Variants in RAPGEF1 observed in about 807,000 individuals in gnomAD.
RAPGEF1 encodes the protein CRK SH3-binding GNRP.
A neutral mutation model predicts 143.3 loss-of-function variants in RAPGEF1; 33 were observed. The ratio of observed to expected loss-of-function variants is 0.23; its 90% confidence interval spans 0.17 to 0.31. RAPGEF1 has a LOEUF of 0.31. Among genes scored for constraint, RAPGEF1 ranks in the 10% least tolerant of loss-of-function variants. The pLI is 1.00. For missense variants in RAPGEF1, 1,199 were observed against 1,645.4 expected, an observed-to-expected ratio of 0.73 and a Z score of 4.69; for synonymous variants, 629 against 676.5, an observed-to-expected ratio of 0.93 and a Z score of 1.09.
At chr9:131,717,764 CAA>C (rs35660614) in intron 1 of RAPGEF1, among the ~76,000 whole-genome samples, 7 of 104,452 alleles carry the variant, frequency 6.7e-5, no homozygotes, top group Non-Finnish European at 1.3e-4. Flanking sequence ...GAGACTGTCT[CAA>C]AAAAAAAAAA....
chr9:131,588,337 G>A (rs1588216036), intron 20 of RAPGEF1, among the ~76,000 whole-genome samples: 1 of 152,218 alleles, frequency 6.6e-6, no homozygotes, highest in Non-Finnish European at 1.5e-5. Context: ...GCTCACGGCT[G>A]GAGCCCACTT....
intron 1 of RAPGEF1, among the ~76,000 whole-genome samples, chr9:131,707,390 T>A (rs1835152817): frequency 6.6e-6 from 1 of 152,238 alleles, no homozygotes; most frequent in African/African-American, 2.4e-5. Flanking sequence ...TTTGCTTATC[T>A]TAGGTCCCCA....
chr9:131,701,867 A>G (rs1188034368), intron 1 of RAPGEF1, among the ~76,000 whole-genome samples: 4 of 152,222 alleles, frequency 2.6e-5, no homozygotes, highest in Non-Finnish European at 4.4e-5. Flanking sequence ...CTTCTCTTCT[A>G]GCTCAAGATG....
At position 131,674,970 on chromosome 9, in the gene RAPGEF1, GT is replaced by G. The variant is rs1487465343; in HGVS notation, c.62-24022del. The stretch of plus-strand genomic sequence containing the variant: ...AGGTGAATGCTTAAACCTTGGTCCG[GT>G]TCCCCAGAAGCAGACTCCTGGGATG... On this transcript the variant is annotated intron_variant, in intron 1 of 26. Coordinates refer to ENST00000683357, the MANE Select transcript of RAPGEF1 (RefSeq NM_001377935.1). 2.6e-5 allele frequency among the ~76,000 whole-genome samples: 4 copies of G among 152,234 alleles called. No homozygotes were observed. In the East Asian group the frequency reaches 7.7e-4, roughly 29 times the overall value.
At chr9:131,736,572 A>G (rs1190257812) in intron 1 of RAPGEF1, among the ~76,000 whole-genome samples, 1 of 152,244 alleles carries the variant, frequency 6.6e-6, no homozygotes, top group Non-Finnish European at 1.5e-5. Flanking sequence ...AAGAACAGCA[A>G]TGACTCAAAA....
At chr9:131,727,756 T>G (rs1035399163) in intron 1 of RAPGEF1, among the ~76,000 whole-genome samples, 2 of 152,178 alleles carry the variant, frequency 1.3e-5, no homozygotes, top group Admixed American at 6.6e-5. Context: ...TATAAAAGCT[T>G]CATTCTACAA....
At chr9:131,616,140 C>T (rs1195815589) in intron 12 of RAPGEF1, among the ~76,000 whole-genome samples, 1 of 151,960 alleles carries the variant, frequency 6.6e-6, no homozygotes, top group African/African-American at 2.4e-5. Context: ...TTGTGGAGGG[C>T]GGCTGTAATC....
chr9:131,641,402 C>T lies in RAPGEF1; in HGVS notation c.494+1837G>A, dbSNP rs760830025. Among the ~76,000 whole-genome samples, 1 of 152,164 alleles carries T rather than the reference C, an allele frequency of 6.6e-6. No homozygotes were observed. The highest frequency in any genetic ancestry group is 1.5e-5 in the Non-Finnish European group (1 of 68,028). On this transcript the variant is annotated intron_variant, in intron 4 of 26. Transcript: ENST00000683357. The surrounding 1 kb of genome is among the most constrained non-coding windows in gnomAD (Gnocchi z 4.6). The stretch of plus-strand genomic sequence containing the variant: ...CAGTTCCTTTGCTCTTGTTCTCCTG[C>T]CCCCACTGCCAATCCAACTGCTGCT...
chr9:131,685,640 T>C (rs544106137), intron 1 of RAPGEF1, among the ~76,000 whole-genome samples: 2 of 152,336 alleles, frequency 1.3e-5, no homozygotes, highest in East Asian at 3.9e-4. Flanking sequence ...ACAATGCTAA[T>C]GACTGGCTTG....
intron 1 of RAPGEF1, among the ~76,000 whole-genome samples, chr9:131,670,290 T>C (rs1421667669): frequency 2.0e-5 from 3 of 152,176 alleles, no homozygotes; most frequent in African/African-American, 7.2e-5. Flanking sequence ...TTATTTCCTC[T>C]GGGTCAGTGT....
intron 1 of RAPGEF1, among the ~76,000 whole-genome samples, chr9:131,686,045 T>C (rs947311876): frequency 1.3e-5 from 2 of 152,170 alleles, no homozygotes; most frequent in African/African-American, 2.4e-5. Context: ...ACTGATACGA[T>C]TCTGGTGTTT....
intron 19 of RAPGEF1, among the ~76,000 whole-genome samples, chr9:131,589,284 C>A (rs1953768112): frequency 6.6e-6 from 1 of 152,238 alleles, no homozygotes; most frequent in Non-Finnish European, 1.5e-5. Flanking sequence ...GAATCCCGCC[C>A]TGGGGAGCTG....
rs530771279 is a variant in RAPGEF1, at chr9:131,712,089, T to C, written c.61+27681A>G. ...TCCAAACTTGGCAAAGCAAATGGCA[T>C]GTGTCTGTCGCACCGTCTCCAATGA... On this transcript the variant is annotated intron_variant, in intron 1 of 26. Transcript: ENST00000683357. Among the ~76,000 whole-genome samples the C allele has an allele frequency of 1.5e-3, 236 of 152,312 alleles. 1 individual carries two copies. The highest frequency in any genetic ancestry group is 3.3e-3 in the Admixed American group (51 of 15,300).
intron 13 of RAPGEF1, 44 bp downstream of exon 13, chr9:131,604,887 T>G (rs928554988): frequency 4.4e-4 from 80 of 183,424 alleles, no homozygotes; most frequent in South Asian, 7.7e-4. Context: ...TGTGCAGGGG[T>G]GTGTGTGTGT....
At chr9:131,738,188 C>A (rs1332622291) in intron 1 of RAPGEF1, among the ~76,000 whole-genome samples, 3 of 150,496 alleles carry the variant, frequency 2.0e-5, no homozygotes, top group Non-Finnish European at 4.4e-5. Flanking sequence ...ATAGAATATT[C>A]TTATATTATA....
intron 1 of RAPGEF1, among the ~76,000 whole-genome samples, chr9:131,727,929 C>G (rs1836781341): frequency 6.6e-6 from 1 of 152,166 alleles, no homozygotes; most frequent in East Asian, 1.9e-4. Context: ...GAGGCAGAAG[C>G]ACAAATTAGT....
rs374367386 is a variant in RAPGEF1, at chr9:131,618,957, C to T, written c.2061+94G>A. The T allele has an allele frequency of 1.9e-5, 22 of 1,145,922 alleles. No homozygotes were observed. In the East Asian group the frequency reaches 2.3e-4, roughly 12 times the overall value. 71.0% of individuals were successfully genotyped at this position (1,145,922 alleles called of 1,614,324 possible). On this transcript the variant is annotated intron_variant, in intron 12 of 26. Coordinates refer to ENST00000683357, the MANE Select transcript of RAPGEF1 (RefSeq NM_001377935.1). ...GGGACCCGCAGAAGGGCAGGGGCCG[C>T]GACGGGCAGCAGAACACATGGCTGA...
intron 16 of RAPGEF1, 56 bp from the exon 17 acceptor site, chr9:131,596,429 A>C: frequency 6.4e-7 from 1 of 1,556,798 alleles, no homozygotes; most frequent in Non-Finnish European, 8.9e-7. Flanking sequence ...TCAGAGAATC[A>C]GTTTAGGAAG....
intron 10 of RAPGEF1, among the ~76,000 whole-genome samples, chr9:131,624,766 G>A (rs1438306762): frequency 2.6e-5 from 4 of 152,362 alleles, no homozygotes; most frequent in Middle Eastern, 3.4e-3. Context: ...CCCTCTGCGG[G>A]AGCCCTGGTT....
Sources: gnomAD v4.1 joint callset for allele counts (sites outside exome capture counted in the v4.1 genomes callset) on GRCh38, gnomAD v4.1.1 for gene constraint, Gnocchi (gnomAD v3.1) non-coding constraint, MANE v1.5 for transcripts, NCBI Gene and HGNC (gene_info 2026-07-23, HGNC 2026-07-21) for gene names.